Variants in MUCL1 observed in about 807,000 individuals in gnomAD.
MUCL1 encodes mucin like 1.
In MUCL1, 11 loss-of-function variants were observed where a neutral mutation model predicts 9.2. That is an observed-to-expected ratio of 1.19 (90% CI 0.75 to 1.97). MUCL1 has a LOEUF of 1.97. Among genes scored for constraint, MUCL1 ranks in the 30% most tolerant of loss-of-function variants. MUCL1 has a pLI of 0.00. For synonymous variants in MUCL1, 48 were observed against 40.5 expected (o/e 1.19, Z -0.71); for missense variants, 144 against 110.9 (o/e 1.30, Z -1.34).
chr12:54,838,876 C>A (rs1304520742), upstream of MUCL1, among the ~76,000 whole-genome samples: 2 of 151,984 alleles, frequency 1.3e-5, no homozygotes, highest in Non-Finnish European at 2.9e-5. Flanking sequence ...TCTCTTGTAA[C>A]TCCTTGAGTG....
chr12:54,847,186 C>T (rs1959269243), intron 1 of MUCL1, among the ~76,000 whole-genome samples: 1 of 152,172 alleles, frequency 6.6e-6, no homozygotes, highest in Non-Finnish European at 1.5e-5. Flanking sequence ...CTCTAGTTAA[C>T]TCTCATGTAT....
intron 1 of MUCL1, among the ~76,000 whole-genome samples, chr12:54,840,302 A>C (rs1350385389): frequency 6.6e-6 from 1 of 152,224 alleles, no homozygotes; most frequent in East Asian, 1.9e-4. Context: ...CAGCTGCAGT[A>C]GTAATAAACT....
intron 1 of MUCL1, among the ~76,000 whole-genome samples, chr12:54,844,258 G>T (rs761964392): frequency 3.9e-5 from 6 of 151,940 alleles, no homozygotes; most frequent in African/African-American, 1.5e-4. Flanking sequence ...TTTTTTATTG[G>T]GGGATAATGT....
chr12:54,851,918 A>C (rs1214692748), upstream of MUCL1, among the ~76,000 whole-genome samples: 1 of 152,208 alleles, frequency 6.6e-6, no homozygotes, highest in Non-Finnish European at 1.5e-5. Flanking sequence ...TGCTTCAAAG[A>C]GAATAAAATA....
intron 1 of MUCL1, among the ~76,000 whole-genome samples, chr12:54,832,349 G>T (rs1037727979): frequency 6.6e-6 from 1 of 151,960 alleles, no homozygotes; most frequent in Non-Finnish European, 1.5e-5. Context: ...ATTGTGAAAG[G>T]CTTTTCTTTA....
chr12:54,854,485 A>T, upstream of MUCL1: 1 of 912,692 alleles, frequency 1.1e-6, no homozygotes, highest in Non-Finnish European at 1.7e-6. Flanking sequence ...CCCTCTGCAT[A>T]TATATTGTCA....
At chr12:54,833,781 T>A (rs1183231200) in intron 1 of MUCL1, among the ~76,000 whole-genome samples, 1 of 122,412 alleles carries the variant, frequency 8.2e-6, no homozygotes, top group Non-Finnish European at 1.6e-5. Context: ...TGAGAACACA[T>A]GAACACAGGA....
chr12:54,835,861 C>T (rs1203009727), upstream of MUCL1, among the ~76,000 whole-genome samples: 2 of 152,018 alleles, frequency 1.3e-5, no homozygotes, highest in Admixed American at 6.6e-5. Context: ...TAAATTCTGC[C>T]TATTTATAAA....
exon 1 of MUCL1, chr12:54,839,424 A>G (rs536605040): frequency 7.1e-6 from 5 of 702,106 alleles, no homozygotes; most frequent in South Asian, 5.9e-5. Context: ...GACCATGGGT[A>G]TCAACTGGCA....
intron 1 of MUCL1, 142 bp downstream of exon 1, chr12:54,854,782 C>T: frequency 1.4e-6 from 1 of 706,650 alleles, no homozygotes; most frequent in Non-Finnish European, 2.4e-6. Context: ...ACTGACCGTT[C>T]AAGATGGAGA....
At chr12:54,853,804 A>C (rs1868275773), upstream of MUCL1, among the ~76,000 whole-genome samples, 1 of 152,210 alleles carries the variant, frequency 6.6e-6, no homozygotes, top group Admixed American at 6.6e-5. Context: ...TTTTTCTAAC[A>C]TCTAGCATTG....
At chr12:54,852,415 C>G (rs189265122), upstream of MUCL1, among the ~76,000 whole-genome samples, 9 of 152,130 alleles carry the variant, frequency 5.9e-5, no homozygotes, top group African/African-American at 2.2e-4. Flanking sequence ...GAAAGGATTC[C>G]CTATTTAATA....
intron 2 of MUCL1, chr12:54,855,468 A>G (rs543584060): frequency 6.3e-6 from 2 of 316,588 alleles, no homozygotes; most frequent in African/African-American, 4.2e-5. Context: ...TTTTTGAGAG[A>G]TGCCTCTAAT....
intron 1 of MUCL1, among the ~76,000 whole-genome samples, chr12:54,832,275 G>A (rs2121476339): frequency 6.6e-6 from 1 of 152,114 alleles, no homozygotes; most frequent in Middle Eastern, 3.4e-3. Flanking sequence ...CTAGAATATG[G>A]CTTTCTTTCT....
Position 54,848,767 on chromosome 12 carries a change from T to C in MUCL1, c.44-6349T>C, listed in dbSNP as rs1943919950. Among the ~76,000 whole-genome samples the C allele has an allele frequency of 2.0e-5, 3 of 152,192 alleles. No individual in the cohort carries two copies. In the South Asian group the frequency reaches 6.2e-4, roughly 31 times the overall value. The stretch of plus-strand genomic sequence containing the variant: ...AGCAAAATTCAACTGAGATAACCTT[T>C]ACTACTTGCAGAAATGGTCATAAAA... On this transcript the variant is annotated intron_variant, in intron 1 of 3. Transcript: ENST00000546809.
At chr12:54,836,339 A>G (rs1304114658), upstream of MUCL1, among the ~76,000 whole-genome samples, 1 of 152,174 alleles carries the variant, frequency 6.6e-6, no homozygotes, top group Non-Finnish European at 1.5e-5. Flanking sequence ...GTATGTTTCT[A>G]GAAATTTATT....
intron 1 of MUCL1, among the ~76,000 whole-genome samples, chr12:54,846,705 TG>T (rs1206292162): frequency 1.5e-5 from 2 of 137,188 alleles, no homozygotes; most frequent in Non-Finnish European, 3.2e-5. Context: ...TCTTTCCTGG[TG>T]GTAAAATAAT....
intron 1 of MUCL1, among the ~76,000 whole-genome samples, chr12:54,832,757 T>C (rs1959187056): frequency 1.3e-5 from 2 of 152,090 alleles, no homozygotes; most frequent in Admixed American, 6.6e-5. Flanking sequence ...AAATAATTTA[T>C]ATTATTTGAT....
chr12:54,835,231 C>G (rs1486174102), upstream of MUCL1, among the ~76,000 whole-genome samples: 1 of 152,056 alleles, frequency 6.6e-6, no homozygotes, highest in Admixed American at 6.6e-5. Context: ...ACGTATGTGT[C>G]TTTTTGATAT....
Sources: gnomAD v4.1 joint callset for allele counts (sites outside exome capture counted in the v4.1 genomes callset) on GRCh38, gnomAD v4.1.1 for gene constraint, MANE v1.5 for transcripts, NCBI Gene and HGNC (gene_info 2026-07-23, HGNC 2026-07-21) for gene names.